Variants in SPATA13 observed in about 807,000 individuals in gnomAD.
SPATA13 encodes spermatogenesis associated 13.
Under a neutral mutation model 104.0 loss-of-function variants are expected in SPATA13, and 50 were observed. The observed-to-expected ratio is 0.48, with a 90% CI of 0.38 to 0.61. The LOEUF is 0.61. Ranked by LOEUF, SPATA13 falls within the 20% of genes least tolerant of loss-of-function variation. The probability of loss-of-function intolerance (pLI) is 0.00; values close to 1 mark genes in which losing one functional copy is unlikely to be tolerated. For missense variants in SPATA13, 1,524 were observed against 1,690.6 expected, an observed-to-expected ratio of 0.90 and a Z score of 1.73; for synonymous variants, 606 against 667.5, an observed-to-expected ratio of 0.91 and a Z score of 1.42.
intron 2 of SPATA13, among the ~76,000 whole-genome samples, chr13:23,994,571 T>C (rs1017723035): frequency 6.6e-6 from 1 of 152,204 alleles, no homozygotes; most frequent in African/African-American, 2.4e-5. Flanking sequence ...GTTGGGTAGG[T>C]CCCGCTAATT....
intron 2 of SPATA13, among the ~76,000 whole-genome samples, chr13:24,240,449 GT>G (rs1251889379): frequency 6.6e-6 from 1 of 152,012 alleles, no homozygotes; most frequent in East Asian, 1.9e-4. Flanking sequence ...GGGAGTGTTG[GT>G]TTTGGGGTCA....
intron 3 of SPATA13, among the ~76,000 whole-genome samples, chr13:24,109,081 G>T (rs898688204): frequency 6.6e-6 from 1 of 152,058 alleles, no homozygotes; most frequent in Non-Finnish European, 1.5e-5. Context: ...TTTACATTAG[G>T]TATTTCTCCT....
chr13:24,141,981 C>A (rs1017082360), intron 3 of SPATA13, among the ~76,000 whole-genome samples: 4 of 152,074 alleles, frequency 2.6e-5, no homozygotes, highest in Non-Finnish European at 5.9e-5. Context: ...CTCAGATGAA[C>A]CTTGAAGTAG....
In SPATA13 at chr13:24,205,857, G is replaced by A. The variant is rs537075377; in HGVS notation, c.-111-16962G>A. Among the ~76,000 whole-genome samples, 9 of 152,244 alleles carry A rather than the reference G, an allele frequency of 5.9e-5. No homozygotes were observed. In the East Asian group the frequency reaches 1.7e-3, roughly 29 times the overall value. ...AGAAAGGATACCCTATTTAATAAAT[G>A]GTGCTCGGAGAACAAGCTAGCAGAA... is the stretch of plus-strand genomic sequence containing the variant. On this transcript the variant is annotated intron_variant, in intron 1 of 12. Transcript: ENST00000382108. The surrounding 1 kb of genome is among the most constrained non-coding windows in gnomAD (Gnocchi z 4.1).
intron 3 of SPATA13, among the ~76,000 whole-genome samples, chr13:24,021,837 G>A (rs1221278438): frequency 1.3e-5 from 2 of 151,440 alleles, no homozygotes; most frequent in African/African-American, 2.4e-5. Context: ...TCAGCCTCCC[G>A]AGTAGCTGGG....
At chr13:24,009,847 G>A (rs1876390889) in intron 2 of SPATA13, among the ~76,000 whole-genome samples, 1 of 152,168 alleles carries the variant, frequency 6.6e-6, no homozygotes, top group African/African-American at 2.4e-5. Context: ...AATGAGGCAT[G>A]TCTTACCTCC....
intron 4 of SPATA13, among the ~76,000 whole-genome samples, chr13:24,274,747 A>G (rs1474089583): frequency 1.3e-5 from 2 of 152,350 alleles, no homozygotes; most frequent in East Asian, 3.9e-4. Context: ...CAAATACATG[A>G]TTTTAGCAGA....
rs572157681 is a variant in SPATA13, at chr13:24,051,746, C to T, written c.-112+34045C>T. On this transcript the variant is annotated intron_variant, in intron 3 of 14. Transcript: ENST00000424834. The surrounding 1 kb of genome is among the most constrained non-coding windows in gnomAD (Gnocchi z 4.2). ...GGGAGCTTTAGGGGGGAAGTGGTAG[C>T]GATTGGAGTCAGAGGCAGCAGTGCT... is the stretch of plus-strand genomic sequence containing the variant. Among the ~76,000 whole-genome samples, 384 of 151,698 alleles carry T rather than the reference C, an allele frequency of 2.5e-3. 3 individuals carry two copies. The highest frequency in any genetic ancestry group is 8.8e-3 in the African/African-American group (364 of 41,258).
intron 12 of SPATA13, among the ~76,000 whole-genome samples, chr13:24,302,100 T>C (rs1877225984): frequency 6.6e-6 from 1 of 152,176 alleles, no homozygotes; most frequent in African/African-American, 2.4e-5. Flanking sequence ...TGGTTCAGAT[T>C]CTGCCACTTC....
At chr13:24,262,631 C>G (rs1874112107) in intron 4 of SPATA13, among the ~76,000 whole-genome samples, 1 of 152,164 alleles carries the variant, frequency 6.6e-6, no homozygotes, top group East Asian at 1.9e-4. Context: ...GTCTTCATGT[C>G]TTTATCTGTA....
At chr13:24,094,135 G>A (rs567037922) in intron 3 of SPATA13, among the ~76,000 whole-genome samples, 2 of 152,322 alleles carry the variant, frequency 1.3e-5, no homozygotes, top group South Asian at 2.1e-4. Context: ...TTTGTGGGGG[G>A]CACATTTTGG....
intron 2 of SPATA13, among the ~76,000 whole-genome samples, chr13:24,229,571 A>C (rs1023986243): frequency 3.3e-5 from 5 of 152,200 alleles, no homozygotes; most frequent in African/African-American, 1.2e-4. Context: ...TTTCCATCCT[A>C]GATTGACATG....
At chr13:24,013,778 C>A (rs1188583154) in intron 2 of SPATA13, among the ~76,000 whole-genome samples, 2 of 145,972 alleles carry the variant, frequency 1.4e-5, no homozygotes, top group Non-Finnish European at 3.0e-5. Context: ...CACATGTGTT[C>A]ATTTATTTTG....
At chr13:24,072,571 C>T (rs1186276945) in intron 3 of SPATA13, among the ~76,000 whole-genome samples, 2 of 152,172 alleles carry the variant, frequency 1.3e-5, no homozygotes, top group Non-Finnish European at 2.9e-5. Flanking sequence ...GCCCCTCCTG[C>T]TCACACACAG....
rs575595197 is a variant in SPATA13 at position 23,981,622 on chromosome 13, C to G, written c.-354+1698C>G. Among the ~76,000 whole-genome samples the G allele has an allele frequency of 9.2e-5, 14 of 152,314 alleles. No individual in the cohort carries two copies. In the East Asian group the frequency reaches 2.7e-3, roughly 29 times the overall value. On this transcript the variant is annotated intron_variant, in intron 1 of 14. Transcript: ENST00000424834. ...ACACAGACCACAGCTGAGCTTGGAA[C>G]TTCATTTGCGTTGTGGGTTTTGCTC...
intron 11 of SPATA13, among the ~76,000 whole-genome samples, chr13:24,298,993 T>C (rs1233346543): frequency 6.6e-6 from 1 of 152,182 alleles, no homozygotes; most frequent in East Asian, 1.9e-4. Flanking sequence ...AGAGGAAATC[T>C]GATTCCCAGC....
intron 1 of SPATA13, among the ~76,000 whole-genome samples, chr13:24,167,397 G>A (rs569650020): frequency 2.8e-4 from 42 of 152,308 alleles, no homozygotes; most frequent in Non-Finnish European, 2.2e-4. Flanking sequence ...TGGTGGATCT[G>A]CACAGCTAAT....
chr13:24,243,587 C>T (rs941302816), intron 2 of SPATA13, among the ~76,000 whole-genome samples: 9 of 152,254 alleles, frequency 5.9e-5, no homozygotes, highest in Non-Finnish European at 8.8e-5. Context: ...TTATTTTAGC[C>T]CTGGTGTCTT....
At chr13:24,298,445 G>A (rs1347548428) in intron 11 of SPATA13, among the ~76,000 whole-genome samples, 1 of 152,208 alleles carries the variant, frequency 6.6e-6, no homozygotes, top group Non-Finnish European at 1.5e-5. Flanking sequence ...CTGCTGACCT[G>A]GAGGTGCAGT....
Sources: gnomAD v4.1 joint callset for allele counts (sites outside exome capture counted in the v4.1 genomes callset) on GRCh38, gnomAD v4.1.1 for gene constraint, Gnocchi (gnomAD v3.1) non-coding constraint, MANE v1.5 for transcripts, NCBI Gene and HGNC (gene_info 2026-07-23, HGNC 2026-07-21) for gene names.